Variants in MYO3B observed in about 807,000 individuals in gnomAD.
MYO3B encodes the protein myosin-IIIb.
In MYO3B, 156 loss-of-function variants were observed where a neutral mutation model predicts 174.6. The observed-to-expected ratio is 0.89, with a 90% CI of 0.78 to 1.02. The LOEUF (loss-of-function observed/expected upper bound fraction) is 1.02, where lower values mean the gene tolerates loss of function less well. Ranked by LOEUF, MYO3B falls within the 50% of genes least tolerant of loss-of-function variation. The pLI is 0.00. For missense variants in MYO3B, 1,632 were observed against 1,639.4 expected, an observed-to-expected ratio of 1.00 and a Z score of 0.08; for synonymous variants, 563 against 569.1, an observed-to-expected ratio of 0.99 and a Z score of 0.15.
chr2:170,452,463 T>C (rs1039090871), intron 23 of MYO3B, among the ~76,000 whole-genome samples: 1 of 152,052 alleles, frequency 6.6e-6, no homozygotes, highest in Non-Finnish European at 1.5e-5. Context: ...TTCAGAAAAA[T>C]ATGATTCAAG....
chr2:170,562,486 C>G (rs1457095320), intron 32 of MYO3B, among the ~76,000 whole-genome samples: 1 of 151,562 alleles, frequency 6.6e-6, no homozygotes, highest in Non-Finnish European at 1.5e-5. Flanking sequence ...CGACAAAACC[C>G]AAAAATAACA....
At chr2:170,186,420 A>T (rs1441875548) in intron 1 of MYO3B, among the ~76,000 whole-genome samples, 2 of 152,202 alleles carry the variant, frequency 1.3e-5, no homozygotes, top group Admixed American at 1.3e-4. Flanking sequence ...ATGATGTATC[A>T]CATTGATTGA....
chr2:170,392,122 CAAAA>C (rs35100967), intron 15 of MYO3B, among the ~76,000 whole-genome samples: 8,015 of 106,552 alleles, frequency 0.075, 244 homozygotes, highest in South Asian at 0.093. Flanking sequence ...GACCCTGTCT[CAAAA>C]AAAAAAAAAA....
intron 25 of MYO3B, among the ~76,000 whole-genome samples, chr2:170,469,051 G>A (rs191278577): frequency 2.0e-4 from 30 of 152,212 alleles, no homozygotes; most frequent in Middle Eastern, 3.4e-3. Flanking sequence ...CAGGAGAATC[G>A]CTTGAACCCA....
At chr2:170,453,431 CACACACACACACACACACACACGAGAGA>C (rs1413022965) in intron 23 of MYO3B, among the ~76,000 whole-genome samples, 1 of 136,072 alleles carries the variant, frequency 7.3e-6, no homozygotes, top group African/African-American at 2.7e-5. Context: ...CACACACACA[CACACACACACACACACACACACGAGAGA>C]GAGAGAGAGA....
chr2:170,478,070 C>A (rs890558367), intron 25 of MYO3B, among the ~76,000 whole-genome samples: 1 of 152,112 alleles, frequency 6.6e-6, no homozygotes, highest in Admixed American at 6.6e-5. Context: ...AAGGCAGCCA[C>A]GTCTCTACTA....
rs1488572839 is a variant in MYO3B at position 170,602,305 on chromosome 2, T to C, written c.3734-49323T>C. 4 of 714,538 alleles carry C rather than the reference T, an allele frequency of 5.6e-6. No individual in the cohort carries two copies. In the East Asian group the frequency reaches 9.8e-5, roughly 17 times the overall value. The allele number at this position is 714,538 out of a possible 1,614,324, so 44.3% of individuals were successfully genotyped here. ...CTCTCACTTGCCCCGGCACTGTCTC[T>C]GTGGAGCTCAATGTACTGCAGTGGC... On this transcript the variant is annotated intron_variant, in intron 32 of 34. Transcript: ENST00000408978.
chr2:170,334,070 C>G (rs2093930281), intron 7 of MYO3B: 1 of 152,182 alleles, frequency 6.6e-6, no homozygotes, highest in Non-Finnish European at 1.5e-5. Flanking sequence ...TCATAGTTTT[C>G]ACTTTCAAGT....
intron 6 of MYO3B, among the ~76,000 whole-genome samples, chr2:170,228,222 A>G (rs765236369): frequency 7.9e-5 from 12 of 152,196 alleles, no homozygotes; most frequent in Non-Finnish European, 1.8e-4. Context: ...TGCCTCACTC[A>G]GGAAGGTGGT....
chr2:170,648,492 G>A (rs187527994), intron 32 of MYO3B, among the ~76,000 whole-genome samples: 1 of 151,642 alleles, frequency 6.6e-6, no homozygotes, highest in African/African-American at 2.4e-5. Context: ...TTAGCTGGGT[G>A]TAGTGGTATC....
chr2:170,253,075 C>G (rs2093270537), intron 7 of MYO3B, among the ~76,000 whole-genome samples: 1 of 152,132 alleles, frequency 6.6e-6, no homozygotes, highest in Non-Finnish European at 1.5e-5. Flanking sequence ...GAATTAGCTT[C>G]TGTTTTAAAG....
chr2:170,638,109 T>TCACA (rs58917057), intron 32 of MYO3B, among the ~76,000 whole-genome samples: 1,680 of 150,514 alleles, frequency 0.011, 15 homozygotes, highest in Middle Eastern at 0.024. Flanking sequence ...TCTCTCTCTC[T>TCACA]CACACACACA....
chr2:170,388,214 A>C (rs1278762396), intron 14 of MYO3B, among the ~76,000 whole-genome samples: 2 of 152,196 alleles, frequency 1.3e-5, no homozygotes, highest in Non-Finnish European at 2.9e-5. Context: ...TAAATAAAAA[A>C]GATTCTTGTA....
intron 32 of MYO3B, among the ~76,000 whole-genome samples, chr2:170,579,490 T>C (rs561136666): frequency 4.1e-4 from 62 of 152,330 alleles, no homozygotes; most frequent in African/African-American, 1.4e-3. Flanking sequence ...TCTTCTCTTA[T>C]CTCCATAGTA....
intron 7 of MYO3B, among the ~76,000 whole-genome samples, chr2:170,260,866 T>G (rs1384623598): frequency 6.6e-6 from 1 of 152,150 alleles, no homozygotes; most frequent in Non-Finnish European, 1.5e-5. Flanking sequence ...GTGTGATATA[T>G]TTCATAGTAA....
chr2:170,375,991 T>G (rs1334798057), intron 9 of MYO3B, among the ~76,000 whole-genome samples: 9 of 152,340 alleles, frequency 5.9e-5, no homozygotes, highest in Admixed American at 5.9e-4. Flanking sequence ...CTGGTGTTAC[T>G]GATTCTTGCC....
chr2:170,647,488 T>TTG (rs1452182809), intron 32 of MYO3B, among the ~76,000 whole-genome samples: 1 of 152,244 alleles, frequency 6.6e-6, no homozygotes, highest in Non-Finnish European at 1.5e-5. Flanking sequence ...CAATGGATCA[T>TTG]TGTATCAGTG....
At chr2:170,396,653 G>T (rs2094443539) in intron 16 of MYO3B, among the ~76,000 whole-genome samples, 1 of 152,118 alleles carries the variant, frequency 6.6e-6, no homozygotes, top group Non-Finnish European at 1.5e-5. Flanking sequence ...CACTTTAAAT[G>T]GTTGTCTAGG....
intron 16 of MYO3B, among the ~76,000 whole-genome samples, chr2:170,396,369 C>T (rs1362005220): frequency 6.6e-6 from 1 of 152,026 alleles, no homozygotes; most frequent in African/African-American, 2.4e-5. Flanking sequence ...GGACATATAA[C>T]TAATTGAATT....
Sources: gnomAD v4.1 joint callset for allele counts (sites outside exome capture counted in the v4.1 genomes callset) on GRCh38, gnomAD v4.1.1 for gene constraint, MANE v1.5 for transcripts, NCBI Gene and HGNC (gene_info 2026-07-23, HGNC 2026-07-21) for gene names.